The following PARD3 variants were observed in gnomAD, a reference collection of about 807,000 sequenced individuals.
PARD3 encodes the protein partitioning defective 3 homolog.
A neutral mutation model predicts 155.4 loss-of-function variants in PARD3; 75 were observed. That is an observed-to-expected ratio of 0.48 (90% CI 0.40 to 0.58). The LOEUF (loss-of-function observed/expected upper bound fraction) is 0.58. Ranked by LOEUF, PARD3 falls within the 20% of genes least tolerant of loss-of-function variation. The probability of loss-of-function intolerance (pLI) is 0.00; values close to 1 mark genes in which losing one functional copy is unlikely to be tolerated. For synonymous variants in PARD3, 576 were observed against 610.5 expected, an observed-to-expected ratio of 0.94 and a Z score of 0.83; for missense variants, 1,642 against 1,721.7, an observed-to-expected ratio of 0.95 and a Z score of 0.82.
chr10:34,223,051 G>A (rs934181912), intron 22 of PARD3, among the ~76,000 whole-genome samples: 1 of 152,118 alleles, frequency 6.6e-6, no homozygotes, highest in Admixed American at 6.6e-5. Context: ...CTCTGTGTTC[G>A]GTAAGTCCCA....
chr10:34,217,835 C>T (rs541565936), intron 22 of PARD3, among the ~76,000 whole-genome samples: 5 of 152,142 alleles, frequency 3.3e-5, no homozygotes, highest in South Asian at 2.1e-4. Flanking sequence ...CCTCCCTCTG[C>T]GACTCTAAAG....
intron 1 of PARD3, 63 bp from the exon 2 acceptor site, chr10:34,696,482 T>C (rs1338324956): frequency 1.0e-6 from 1 of 993,114 alleles, no homozygotes; most frequent in African/African-American, 1.6e-5. Flanking sequence ...GAATTAGACA[T>C]TTTAAACCGT....
intron 18 of PARD3, among the ~76,000 whole-genome samples, chr10:34,334,902 C>T (rs1400539681): frequency 6.6e-6 from 1 of 151,794 alleles, no homozygotes; most frequent in Non-Finnish European, 1.5e-5. Context: ...AATAAACTGT[C>T]CTTTTCCTTA....
chr10:34,720,974 G>A (rs1036240305), intron 1 of PARD3, among the ~76,000 whole-genome samples: 1 of 152,148 alleles, frequency 6.6e-6, no homozygotes, highest in East Asian at 1.9e-4. Context: ...AAGGCCCAAT[G>A]TCATGATGAA....
intron 22 of PARD3, among the ~76,000 whole-genome samples, chr10:34,227,856 T>TTTTATATATATATATATA (rs1554814033): frequency 3.6e-5 from 3 of 82,242 alleles, no homozygotes; most frequent in Non-Finnish European, 4.7e-5. Flanking sequence ...GAATTATTTT[T>TTTTATATATATATATATA]TATATATATA....
At chr10:34,622,323 C>A (rs2091729519) in intron 2 of PARD3, among the ~76,000 whole-genome samples, 1 of 152,168 alleles carries the variant, frequency 6.6e-6, no homozygotes, top group Non-Finnish European at 1.5e-5. Context: ...AATTTTCAGA[C>A]TGAAGCTGGT....
intron 20 of PARD3, chr10:34,312,386 A>C: frequency 1.9e-6 from 3 of 1,612,648 alleles, no homozygotes; most frequent in Non-Finnish European, 2.5e-6. Flanking sequence ...GGCAAGGCTA[A>C]ATGAGAGACA....
chr10:34,423,690 T>C (rs1461253982), intron 5 of PARD3, among the ~76,000 whole-genome samples: 1 of 152,154 alleles, frequency 6.6e-6, no homozygotes, highest in Admixed American at 6.5e-5. Flanking sequence ...TATACACAAA[T>C]ACATACACAA....
At chr10:34,248,308 A>G (rs1427160263) in intron 22 of PARD3, among the ~76,000 whole-genome samples, 1 of 152,222 alleles carries the variant, frequency 6.6e-6, no homozygotes, top group Non-Finnish European at 1.5e-5. Context: ...TGGCCTAGCT[A>G]TTAAAATAAA....
intron 1 of PARD3, among the ~76,000 whole-genome samples, chr10:34,720,649 T>A (rs2094591323): frequency 6.6e-6 from 1 of 151,674 alleles, no homozygotes; most frequent in Non-Finnish European, 1.5e-5. Flanking sequence ...AATACAAAAT[T>A]AGCCGGGCGT....
At chr10:34,713,468 A>G (rs1001773495) in intron 1 of PARD3, among the ~76,000 whole-genome samples, 1 of 152,068 alleles carries the variant, frequency 6.6e-6, no homozygotes, top group Non-Finnish European at 1.5e-5. Flanking sequence ...CTGTAGAAAG[A>G]ACAACCAGGC....
At chr10:34,394,555 G>C (rs1470306425) in intron 7 of PARD3, among the ~76,000 whole-genome samples, 1 of 152,068 alleles carries the variant, frequency 6.6e-6, no homozygotes, top group East Asian at 1.9e-4. Flanking sequence ...TGAACTCCTG[G>C]CTTCAAGTGA....
intron 5 of PARD3, among the ~76,000 whole-genome samples, chr10:34,436,616 T>A (rs773961): frequency 6.6e-6 from 1 of 152,086 alleles, no homozygotes; most frequent in Admixed American, 6.5e-5. Context: ...CATACTTCTG[T>A]GAGAAACTCA....
chr10:34,554,769 T>C (rs1367451619), intron 2 of PARD3, among the ~76,000 whole-genome samples: 3 of 152,180 alleles, frequency 2.0e-5, no homozygotes, highest in Non-Finnish European at 2.9e-5. Context: ...GAAAAAAAAT[T>C]ATTAAGATGA....
At chr10:34,754,738 T>C (rs371632302) in intron 1 of PARD3, among the ~76,000 whole-genome samples, 180 of 152,346 alleles carry the variant, frequency 1.2e-3, no homozygotes, top group African/African-American at 3.9e-3. Flanking sequence ...TCAGACTGCG[T>C]TGGATTACAG....
intron 2 of PARD3, among the ~76,000 whole-genome samples, chr10:34,577,582 C>G (rs1370227627): frequency 1.3e-5 from 2 of 152,210 alleles, no homozygotes; most frequent in African/African-American, 4.8e-5. Flanking sequence ...TGTCTCTGTT[C>G]ACACACCTTT....
chr10:34,672,481 G>A (rs1438483160), intron 2 of PARD3, among the ~76,000 whole-genome samples: 7 of 152,128 alleles, frequency 4.6e-5, no homozygotes, highest in Admixed American at 3.3e-4. Flanking sequence ...AATATGTACC[G>A]TGTTTCCTAA....
rs537909269 is a variant in PARD3, at chr10:34,353,063, G to A, written c.2068-4948C>T. Among the ~76,000 whole-genome samples the A allele has an allele frequency of 5.3e-5, 8 of 150,998 alleles. 1 individual carries two copies. In the South Asian group the frequency reaches 1.5e-3, roughly 28 times the overall value. On this transcript the variant is annotated intron_variant, in intron 14 of 24. Transcript: ENST00000374788. Reference sequence around the variant, plus strand: ...CGTCTGAGAAGTGAGGAGCCCCTCCGCCCCGCAGCTGCCCTGTCTGGGAAG... The same window carrying A: ...CGTCTGAGAAGTGAGGAGCCCCTCCACCCCGCAGCTGCCCTGTCTGGGAAG...
At chr10:34,639,116 C>T (rs1186550760) in intron 2 of PARD3, among the ~76,000 whole-genome samples, 1 of 152,136 alleles carries the variant, frequency 6.6e-6, no homozygotes, top group East Asian at 1.9e-4. Flanking sequence ...CAAATTACAC[C>T]TGGGTGCAGT....
Sources: gnomAD v4.1 joint callset for allele counts (sites outside exome capture counted in the v4.1 genomes callset) on GRCh38, gnomAD v4.1.1 for gene constraint, MANE v1.5 for transcripts, NCBI Gene and HGNC (gene_info 2026-07-23, HGNC 2026-07-21) for gene names.